The following SBK3 variants were observed in gnomAD, a reference collection of about 807,000 sequenced individuals.
The protein encoded by SBK3 is uncharacterized serine/threonine-protein kinase SBK3.
Under a neutral mutation model 12.7 loss-of-function variants are expected in SBK3, and 16 were observed. The observed-to-expected ratio is 1.26, with a 90% confidence interval of 0.86 to 1.92. The LOEUF is 1.92. Among genes scored for constraint, SBK3 ranks in the 40% most tolerant of loss-of-function variants. SBK3 has a pLI of 0.00. For synonymous variants in SBK3, 217 were observed against 213.6 expected, an observed-to-expected ratio of 1.02 and a Z score of -0.14; for missense variants, 462 against 481.8, an observed-to-expected ratio of 0.96 and a Z score of 0.38.
In SBK3 at chr19:55,541,014, C is replaced by T. The variant is rs1275292823; in HGVS notation, c.912G>A (p.Leu304=). The change falls in exon 4 of 4, where the codon CTG becomes CTA. Residue 304 remains leucine, a synonymous_variant. Transcript: ENST00000612221. This position sits in a 1 kb window ranked among gnomAD's most constrained non-coding sequence, Gnocchi z 5.3. ...RSPPLAVLDF[L]GDDWGLQGNR... is the part of the protein sequence containing the mutation. ...TCCCTTGCAACCCCCAGTCGTCCCC[C>T]AGGAAGTCCAGGACAGCCAGTGGGG... The T allele has an allele frequency of 6.5e-7, 1 of 1,535,884 alleles. No individual in the cohort carries two copies. The highest frequency in any genetic ancestry group is 1.4e-5 in the African/African-American group (1 of 73,034).
rs113219845 is a variant in SBK3, at chr19:55,545,289, C to T, written c.45+210G>A. 4.7e-5 allele frequency: 28 copies of T among 592,926 alleles called. No homozygotes were observed. The highest frequency in any genetic ancestry group is 3.5e-4 in the South Asian group (17 of 48,198). 36.7% of individuals were successfully genotyped at this position (592,926 alleles called of 1,614,324 possible). A position where few individuals can be genotyped will look rare whatever the true frequency, so the allele number is the denominator to read the frequency against. On this transcript the variant is annotated intron_variant, in intron 1 of 3. Transcript: ENST00000612221. The surrounding 1 kb of genome is among the most constrained non-coding windows in gnomAD (Gnocchi z 4.4). ...CACCGTCCTCTTCCCCTGTGCATCC[C>T]GCTGTGTGTTTCTGAGTCCAATTCT...
chr19:55,544,522 C>T lies in SBK3; in HGVS notation c.197-220G>A, dbSNP rs566322011. Among the ~76,000 whole-genome samples the T allele has an allele frequency of 5.3e-5, 8 of 152,262 alleles. No individual in the cohort carries two copies. The South Asian group carries it at 1.7e-3, about 32-fold the overall frequency. ...CACAGCCGCCTCACCCTCTCCGGGC[C>T]TCAGTTTCCCCTGGCATCAAGTAAG... is the stretch of plus-strand genomic sequence containing the variant. On this transcript the variant is annotated intron_variant, in intron 2 of 3. Transcript: ENST00000612221.
Position 55,540,706 on chromosome 19 carries a change from A to C in SBK3, c.*140T>G, listed in dbSNP as rs1045622192. The stretch of plus-strand genomic sequence containing the variant: ...TCAGTTGGAAGAGGAATGCGCGTCC[A>C]AGCCCAGCGTTCCGTAGGGAGAGTG... On this transcript the variant is annotated 3_prime_UTR_variant, in exon 4 of 4. Transcript: ENST00000612221. The C allele has an allele frequency of 1.3e-6, 1 of 773,658 alleles. No homozygotes were observed. Among genetic ancestry groups the C allele is most frequent in the African/African-American group, 1.7e-5 (1 of 58,492 alleles). The allele number at this position is 773,658 out of a possible 1,614,324, so 47.9% of individuals were successfully genotyped here. A position where few individuals can be genotyped will look rare whatever the true frequency, so the allele number is the denominator to read the frequency against.
chr19:55,543,959 G>T, intron 3 of SBK3, 141 bp downstream of exon 3: 1 of 616,580 alleles, frequency 1.6e-6, no homozygotes, highest in Non-Finnish European at 2.7e-6. Context: ...GAATTAGAAA[G>T]GGGGAGGTCA....
chr19:55,542,337 C>T (rs1988570482), intron 3 of SBK3, among the ~76,000 whole-genome samples: 3 of 152,152 alleles, frequency 2.0e-5, no homozygotes. Flanking sequence ...ATCCACTCAC[C>T]ATCCATTAAT....
In SBK3 at chr19:55,540,747, C is replaced by T. The variant is rs1988540477; in HGVS notation, c.*99G>A. 2.0e-6 allele frequency: 2 copies of T among 1,017,754 alleles called. No homozygotes were observed. The highest frequency in any genetic ancestry group is 3.2e-5 in the African/African-American group (2 of 63,236). The allele number at this position is 1,017,754 out of a possible 1,614,324, so 63.0% of individuals were successfully genotyped here. A position where few individuals can be genotyped will look rare whatever the true frequency, so the allele number is the denominator to read the frequency against. On this transcript the variant is annotated 3_prime_UTR_variant, in exon 4 of 4. Coordinates refer to ENST00000612221, the MANE Select transcript of SBK3 (RefSeq NM_001199824.2). ...AGGGAGAGTGCAATGTGTTCCCTCT[C>T]TGTCCTCCCGGGTGCAGCTGTCTCT...
rs761315495 is a variant in SBK3 at position 55,541,488 on chromosome 19, C to A, written c.438G>T (p.Gln146His). 1.7e-5 allele frequency: 26 copies of A among 1,526,894 alleles called. No homozygotes were observed. The highest frequency in any genetic ancestry group is 2.3e-5 in the Non-Finnish European group (26 of 1,140,348). The allele number at this position is 1,526,894 out of a possible 1,614,324, so 94.6% of individuals were successfully genotyped here. ...PELLVKRVVA[Q>H]LAGALDFLHS... is the part of the protein sequence containing the mutation. ...GGAGGAAGTCCAGAGCTCCTGCCAA[C>A]TGGGCCACCACCCGCTTCACCAGCA... The change falls in exon 4 of 4, where the codon CAG (glutamine) becomes CAT (histidine). Residue 146 changes from glutamine (Q) to histidine (H), a missense_variant. Physicochemically the swap from Gln to His is conservative, Grantham distance 24. Transcript: ENST00000612221. The surrounding 1 kb of genome is among the most constrained non-coding windows in gnomAD (Gnocchi z 5.3).
rs541772431 is a variant in SBK3 at position 55,544,170 on chromosome 19, G to C, written c.329C>G (p.Thr110Ser). The C allele has an allele frequency of 6.5e-7, 1 of 1,535,808 alleles. No individual in the cohort carries two copies. The highest frequency in any genetic ancestry group is 1.2e-5 in the South Asian group (1 of 84,062). Residue 110 changes from threonine to serine, a missense_variant, in exon 3 of 4, where the codon ACC (threonine) becomes AGC (serine). Physicochemically the swap from Thr to Ser is moderately conservative, Grantham distance 58 (BLOSUM62 1). Coordinates refer to ENST00000612221, the MANE Select transcript of SBK3 (RefSeq NM_001199824.2). ...LLQTLAGPLQ[T>S]PRYFAFAQEY... The stretch of plus-strand genomic sequence containing the variant: ...CTGGGCGAAGGCAAAATAGCGGGGG[G>C]TCTGTAGGGGTCCTGCCAGGGTCTG...
chr19:55,542,813 G>GATCC (rs775579408), intron 3 of SBK3, among the ~76,000 whole-genome samples: 1,084 of 63,714 alleles, frequency 0.017, 9 homozygotes, highest in Non-Finnish European at 0.026. Flanking sequence ...TCCTTCTATC[G>GATCC]ATCCATCCAT....
Position 55,545,040 on chromosome 19 carries a change from G to A in SBK3, c.46-91C>T, listed in dbSNP as rs1238392398. ...GGTCACGGCGCAGCCCCAGGATGGAGGGTGGGGCAGGGGACAGGGGTCACT... is the reference window on the plus strand; with the variant it reads ...GGTCACGGCGCAGCCCCAGGATGGAAGGTGGGGCAGGGGACAGGGGTCACT... On this transcript the variant is annotated intron_variant, in intron 1 of 3. Coordinates refer to ENST00000612221, the MANE Select transcript of SBK3 (RefSeq NM_001199824.2). The surrounding 1 kb of genome is among the most constrained non-coding windows in gnomAD (Gnocchi z 4.4). The A allele has an allele frequency of 2.1e-6, 2 of 962,828 alleles. No homozygotes were observed. Among genetic ancestry groups the A allele is most frequent in the Non-Finnish European group, 3.0e-6 (2 of 660,804 alleles). The allele number at this position is 962,828 out of a possible 1,614,324, so 59.6% of individuals were successfully genotyped here. A position where few individuals can be genotyped will look rare whatever the true frequency, so the allele number is the denominator to read the frequency against.
chr19:55,544,697 G>A (rs1568497242), intron 2 of SBK3, 102 bp downstream of exon 2: 3 of 1,166,518 alleles, frequency 2.6e-6, no homozygotes, highest in Non-Finnish European at 3.5e-6. Context: ...ACTGAGAAGG[G>A]TCCCCATCAG....
chr19:55,542,834 A>ATCCATCCATCCATCCATCCG (rs767697241), intron 3 of SBK3, among the ~76,000 whole-genome samples: 33 of 145,068 alleles, frequency 2.3e-4, no homozygotes, highest in Admixed American at 1.0e-3. Flanking sequence ...CCATCCATCC[A>ATCCATCCATCCATCCATCCG]TCCGTCCATC....
At chr19:55,542,489 AT>A (rs1339487556) in intron 3 of SBK3, among the ~76,000 whole-genome samples, 196 of 141,822 alleles carry the variant, frequency 1.4e-3, no homozygotes, top group Non-Finnish European at 1.5e-3. Flanking sequence ...CCATCCATCC[AT>A]CCATCCACCC....
chr19:55,541,129 G>C lies in SBK3; in HGVS notation c.797C>G (p.Pro266Arg). Residue 266 changes from proline (P) to arginine (R), a missense_variant, in exon 4 of 4, where the codon CCT (proline) becomes CGT (arginine). Physicochemically the swap from Pro to Arg is moderately radical, Grantham distance 103. Transcript: ENST00000612221. This position sits in a 1 kb window ranked among gnomAD's most constrained non-coding sequence, Gnocchi z 5.3. Reference protein sequence around the residue: ...AGWVTTKPQPPQPPPPWDQFA... With the variant: ...AGWVTTKPQPRQPPPPWDQFA... The stretch of plus-strand genomic sequence containing the variant: ...CTGGTCCCAGGGTGGTGGTGGCTGA[G>C]GTGGCTGAGGCTTGGTGGTCACCCA... 6.5e-7 allele frequency: 1 copy of C among 1,535,830 alleles called. No individual in the cohort carries two copies. The highest frequency in any genetic ancestry group is 2.4e-5 in the East Asian group (1 of 40,920).
rs566701629 is a variant in SBK3 at position 55,541,318 on chromosome 19, G to A, written c.608C>T (p.Thr203Met). 138 of 1,535,206 alleles carry A rather than the reference G, an allele frequency of 9.0e-5. No homozygotes were observed. The highest frequency in any genetic ancestry group is 1.1e-4 in the African/African-American group (8 of 73,166). The change falls in exon 4 of 4, where the codon ACG (threonine) becomes ATG (methionine). Residue 203 changes from threonine to methionine, a missense_variant. Thr to Met is a moderately conservative substitution (Grantham distance 81). Coordinates refer to ENST00000612221, the MANE Select transcript of SBK3 (RefSeq NM_001199824.2). The surrounding 1 kb of genome is among the most constrained non-coding windows in gnomAD (Gnocchi z 5.3). Reference protein sequence around the residue: ...PTPAPPVPLPTAPPELCLLLP... With the variant: ...PTPAPPVPLPMAPPELCLLLP... The stretch of plus-strand genomic sequence containing the variant: ...CAGGAGACAGAGCTCAGGCGGTGCC[G>A]TGGGCAGAGGCACTGGTGGGGCGGG...
Position 55,541,151 on chromosome 19 carries a change from C to CCCAG in SBK3, c.771_774dup (p.Val259LeufsTer37). The CCCAG allele has an allele frequency of 6.5e-7, 1 of 1,535,768 alleles. No individual in the cohort carries two copies. The highest frequency in any genetic ancestry group is 8.7e-7 in the Non-Finnish European group (1 of 1,146,742). On this transcript the variant is annotated frameshift_variant, in exon 4 of 4. Transcript: ENST00000612221. LOFTEE classifies it low-confidence loss of function (END_TRUNC). This position sits in a 1 kb window ranked among gnomAD's most constrained non-coding sequence, Gnocchi z 5.3. ...TGAGGTGGCTGAGGCTTGGTGGTCA[C>CCCAG]CCAGCCAGCGAAGGCCTCGAACTCA... is the stretch of plus-strand genomic sequence containing the variant.
chr19:55,544,115 C>T lies in SBK3; in HGVS notation c.384G>A (p.Gly128=), dbSNP rs1988618420. 3 of 1,502,982 alleles carry T rather than the reference C, an allele frequency of 2.0e-6. No individual in the cohort carries two copies. Among genetic ancestry groups the T allele is most frequent in the Admixed American group, 2.2e-5 (1 of 46,354 alleles). The allele number at this position is 1,502,982 out of a possible 1,614,324, so 93.1% of individuals were successfully genotyped here. Reference sequence around the variant, plus strand: ...GTGGCCTCACCCTTTCCTGCAGCATCCCGCTGAGGTCCCCACAGGGCGCGT... The same window carrying T: ...GTGGCCTCACCCTTTCCTGCAGCATTCCGCTGAGGTCCCCACAGGGCGCGT... The part of the protein sequence containing the change: ...QEYAPCGDLS[G]MLQERGLPEL... Residue 128 remains glycine (G), a synonymous_variant, in exon 3 of 4, where the codon GGG becomes GGA. Transcript: ENST00000612221.
In SBK3 at chr19:55,545,237, CCCCCTGCCCA is replaced by C; in HGVS notation, c.45+252_45+261del. Reference sequence around the variant, plus strand: ...GGGGTGCATCCTCAGCCCACACAGTCCCCCTGCCCACCCTGGTCTCTCTCTCCACCGTCCT... The same window carrying C: ...GGGGTGCATCCTCAGCCCACACAGTCCCCTGGTCTCTCTCTCCACCGTCCT... On this transcript the variant is annotated intron_variant, in intron 1 of 3. Transcript: ENST00000612221. The surrounding 1 kb of genome is among the most constrained non-coding windows in gnomAD (Gnocchi z 4.4). The C allele has an allele frequency of 1.7e-6, 1 of 583,356 alleles. No individual in the cohort carries two copies. Among genetic ancestry groups the C allele is most frequent in the East Asian group, 2.9e-5 (1 of 34,484 alleles). The allele number at this position is 583,356 out of a possible 1,614,324, so 36.1% of individuals were successfully genotyped here.
At position 55,541,130 on chromosome 19, in the gene SBK3, G is replaced by A; in HGVS notation, c.796C>T (p.Pro266Ser). The A allele has an allele frequency of 6.5e-7, 1 of 1,535,840 alleles. No individual in the cohort carries two copies. Among genetic ancestry groups the A allele is most frequent in the Non-Finnish European group, 8.7e-7 (1 of 1,146,748 alleles). The part of the protein sequence containing the change: ...AGWVTTKPQP[P>S]QPPPPWDQFA... ...TGGTCCCAGGGTGGTGGTGGCTGAG[G>A]TGGCTGAGGCTTGGTGGTCACCCAG... The change falls in exon 4 of 4, where the codon CCT (proline) becomes TCT (serine). Residue 266 changes from proline (P) to serine (S), a missense_variant. Coordinates refer to ENST00000612221, the MANE Select transcript of SBK3 (RefSeq NM_001199824.2). The surrounding 1 kb of genome is among the most constrained non-coding windows in gnomAD (Gnocchi z 5.3).
Sources: allele counts gnomAD v4.1 joint callset (sites outside exome capture counted in the v4.1 genomes callset), GRCh38; gene constraint gnomAD v4.1.1; non-coding constraint Gnocchi (gnomAD v3.1); transcripts MANE v1.5; gene names NCBI Gene and HGNC (gene_info 2026-07-23, HGNC 2026-07-21).